Variants in ITLN2 observed in about 807,000 individuals in gnomAD.
The protein encoded by ITLN2 is intelectin-2.
In ITLN2, 29 loss-of-function variants were observed where a neutral mutation model predicts 39.4. That is an observed-to-expected ratio of 0.74 (90% confidence interval 0.55 to 1.00). The LOEUF (loss-of-function observed/expected upper bound fraction) is 1.00. Ranked by LOEUF, ITLN2 falls within the 50% of genes least tolerant of loss-of-function variation. The pLI, the probability that ITLN2 is intolerant of heterozygous loss-of-function variation, is 0.00. For missense variants in ITLN2, 412 were observed against 416.7 expected, an observed-to-expected ratio of 0.99 and a Z score of 0.10; for synonymous variants, 156 against 153.4, an observed-to-expected ratio of 1.02 and a Z score of -0.12.
chr1:160,945,609 C>G (rs148813804), intron 7 of ITLN2, among the ~76,000 whole-genome samples: 115 of 152,278 alleles, frequency 7.6e-4, no homozygotes, highest in Non-Finnish European at 7.9e-4. Context: ...CGTCATCCTC[C>G]GAATTCTAAT....
intron 6 of ITLN2, 75 bp from the exon 7 acceptor site, chr1:160,948,107 A>G (rs1376133273): frequency 3.2e-6 from 4 of 1,267,918 alleles, no homozygotes; most frequent in Non-Finnish European, 3.4e-6. Flanking sequence ...TGGCCAGTCC[A>G]GGGATTCCCT....
chr1:160,951,340 A>G, intron 3 of ITLN2, 50 bp from the exon 4 acceptor site: 1 of 1,524,526 alleles, frequency 6.6e-7, no homozygotes, highest in South Asian at 1.3e-5. Context: ...CTCAGGGTTC[A>G]TCTCAGCTCC....
rs1337845420 is a variant in ITLN2, at chr1:160,951,109, C to T, written c.375G>A (p.Gly125=). 3 of 1,614,156 alleles carry T rather than the reference C, an allele frequency of 1.9e-6. No individual in the cohort carries two copies. The highest frequency in any genetic ancestry group is 1.7e-6 in the Non-Finnish European group (2 of 1,180,034). The change falls in exon 4 of 8, where the codon GGG becomes GGA. Residue 125 remains glycine, a synonymous_variant. Transcript: ENST00000368029. ...QQGNKADYPE[G]DGNWANYNTF... ...TGTTGTAGTTGGCCCAGTTGCCATC[C>T]CCCTCTGGGTAGTCTGCTTTGTTGC...
chr1:160,945,317 T>C (rs765912517), intron 7 of ITLN2, 25 bp from the exon 8 acceptor site: 13 of 1,516,014 alleles, frequency 8.6e-6, no homozygotes, highest in African/African-American at 1.4e-5. Flanking sequence ...GAAGAAACAC[T>C]GTGAGGAATT....
At chr1:160,952,404 C>T (rs1260367438) in intron 3 of ITLN2, among the ~76,000 whole-genome samples, 2 of 152,176 alleles carry the variant, frequency 1.3e-5, no homozygotes, top group African/African-American at 2.4e-5. Context: ...CCACCATAAG[C>T]ATCACCAGGA....
At position 160,947,932 on chromosome 1, in the gene ITLN2, C is replaced by G. The variant is rs1233262303; in HGVS notation, c.822G>C (p.Glu274Asp). Residue 274 changes from glutamate to aspartate, a missense_variant, in exon 7 of 8, where the codon GAG (glutamate) becomes GAC (aspartate). Transcript: ENST00000368029. ...ATTGATCTCCCCAAAAACTCACATG[C>G]TCAGTGTTACAGCCAGTAACTTTTA... ...AGIKVTGCNT[E>D]HHCIGGGGFF... 19 of 1,611,512 alleles carry G rather than the reference C, an allele frequency of 1.2e-5. No homozygotes were observed. Among genetic ancestry groups the G allele is most frequent in the Non-Finnish European group, 1.6e-5 (19 of 1,177,784 alleles).
chr1:160,950,814 G>T, intron 4 of ITLN2, 103 bp from the exon 5 acceptor site: 4 of 1,520,852 alleles, frequency 2.6e-6, no homozygotes, highest in Non-Finnish European at 2.7e-6. Flanking sequence ...GGGATCAGTA[G>T]GCAGATGGCC....
At chr1:160,946,450 G>A (rs556819407) in intron 7 of ITLN2, among the ~76,000 whole-genome samples, 9 of 152,068 alleles carry the variant, frequency 5.9e-5, no homozygotes, top group African/African-American at 1.9e-4. Context: ...GGTGGCTCAC[G>A]CCAGTAATCC....
Position 160,947,975 on chromosome 1 carries a change from T to C in ITLN2, c.779A>G (p.Asn260Ser), listed in dbSNP as rs139105648. ...AACTTTTATCCCAGCACAAAGGGCGTTGGCTGCTCTCTCGTTATTAAACAC... is the reference window on the plus strand; with the variant it reads ...AACTTTTATCCCAGCACAAAGGGCGCTGGCTGCTCTCTCGTTATTAAACAC... ...FRVFNNERAA[N>S]ALCAGIKVTG... Residue 260 changes from asparagine (N) to serine (S), a missense_variant, in exon 7 of 8, where the codon AAC (asparagine) becomes AGC (serine). Coordinates refer to ENST00000368029, the MANE Select transcript of ITLN2 (RefSeq NM_080878.3). The C allele has an allele frequency of 1.8e-3, 2,834 of 1,614,122 alleles. 2 individuals carry two copies. Among genetic ancestry groups the C allele is most frequent in the Non-Finnish European group, 2.3e-3 (2,663 of 1,180,018 alleles).
In ITLN2 at chr1:160,950,575, T is replaced by C; in HGVS notation, c.578A>G (p.His193Arg). 1 of 1,614,180 alleles carries C rather than the reference T, an allele frequency of 6.2e-7. No homozygotes were observed. Reference sequence around the variant, plus strand: ...TACCTGGTAGATGCCAAACAGATTATGTCCCAGTCTCTGGAGGAAGCCAGT... The same window carrying C: ...TACCTGGTAGATGCCAAACAGATTACGTCCCAGTCTCTGGAGGAAGCCAGT... ...TNTGFLQRLG[H>R]NLFGIYQKYP... The change falls in exon 5 of 8, where the codon CAT becomes CGT. Residue 193 changes from histidine to arginine, a missense_variant. Coordinates refer to ENST00000368029, the MANE Select transcript of ITLN2 (RefSeq NM_080878.3).
Position 160,945,161 on chromosome 1 carries a change from A to G in ITLN2, c.957T>C (p.Ala319=). The change falls in exon 8 of 8, where the codon GCT becomes GCC. Residue 319 remains alanine (A), a synonymous_variant. Transcript: ENST00000368029. The part of the protein sequence containing the change: ...SSCSREITEA[A]VLLFYR ...TGTCTCATCTATAGAACAAGAGTACAGCCGCCTCCGTTATCTCCCGACTGC... is the reference window on the plus strand; with the variant it reads ...TGTCTCATCTATAGAACAAGAGTACGGCCGCCTCCGTTATCTCCCGACTGC... The G allele has an allele frequency of 3.7e-6, 6 of 1,603,534 alleles. No homozygotes were observed. Among genetic ancestry groups the G allele is most frequent in the Non-Finnish European group, 5.1e-6 (6 of 1,177,246 alleles).
At chr1:160,953,868 T>C (rs1671805018) in intron 2 of ITLN2, among the ~76,000 whole-genome samples, 1 of 152,188 alleles carries the variant, frequency 6.6e-6, no homozygotes, top group African/African-American at 2.4e-5. Context: ...AGATGACATA[T>C]GTAAATGTGC....
intron 2 of ITLN2, among the ~76,000 whole-genome samples, chr1:160,953,237 CAGCCT>C (rs1671786458): frequency 1.3e-5 from 2 of 150,488 alleles, no homozygotes; most frequent in Non-Finnish European, 3.0e-5. Flanking sequence ...CAGCCCAGCC[CAGCCT>C]GCCAAAAACT....
chr1:160,945,236 G>A lies in ITLN2; in HGVS notation c.882C>T (p.Asp294=), dbSNP rs1317859614. The change falls in exon 8 of 8, where the codon GAC becomes GAT. Residue 294 remains aspartate (D), a synonymous_variant. Transcript: ENST00000368029. The stretch of plus-strand genomic sequence containing the variant: ...ATCCATCCCAGTCAAAGGCGGAGAA[G>A]TCCCCACACTGACGGGGTTTGCCCT... ...FPQGKPRQCG[D]FSAFDWDGYG... 6.2e-7 allele frequency: 1 copy of A among 1,605,500 alleles called. No homozygotes were observed. Among genetic ancestry groups the A allele is most frequent in the African/African-American group, 1.3e-5 (1 of 74,246 alleles).
At position 160,950,620 on chromosome 1, in the gene ITLN2, A is replaced by C. The variant is rs768610760; in HGVS notation, c.533T>G (p.Leu178Arg). The change falls in exon 5 of 8, where the codon CTG becomes CGG. Residue 178 changes from leucine to arginine, a missense_variant. By Grantham distance (102) the Leu-to-Arg change is moderately radical. Transcript: ENST00000368029. ...GCCAGTGTTGGTGCGGTACCTCAGC[A>C]GGGCGCTGTTTCTCCAATGCTGCAT... Reference protein sequence around the residue: ...SPMQHWRNSALLRYRTNTGFL... With the variant: ...SPMQHWRNSARLRYRTNTGFL... 1.4e-5 allele frequency: 22 copies of C among 1,614,098 alleles called. No homozygotes were observed. The South Asian group carries it at 2.3e-4, about 17-fold the overall frequency.
intron 3 of ITLN2, chr1:160,951,572 AGAGG>A: frequency 8.8e-6 from 3 of 341,688 alleles, no homozygotes; most frequent in Non-Finnish European, 1.6e-5. Flanking sequence ...TGTGGCCAGG[AGAGG>A]CCAGAAATCA....
At chr1:160,952,901 C>T (rs1000068043) in intron 2 of ITLN2, among the ~76,000 whole-genome samples, 168 bp from the exon 3 acceptor site, 1 of 152,196 alleles carries the variant, frequency 6.6e-6, no homozygotes, top group Admixed American at 6.5e-5. Flanking sequence ...GGTTAAACAC[C>T]TGGAATCTTC....
In ITLN2 at chr1:160,945,269, G is replaced by T; in HGVS notation, c.849C>A (p.Phe283Leu). ...TEHHCIGGGG[F>L]FPQGKPRQCG... is the part of the protein sequence containing the mutation. ...ACTGACGGGGTTTGCCCTGTGGGAA[G>T]AACCCTCCTCCACCGATGCAGTGCT... The change falls in exon 8 of 8, where the codon TTC (phenylalanine) becomes TTA (leucine). Residue 283 changes from phenylalanine (F) to leucine (L), a missense_variant. Transcript: ENST00000368029. 1 of 1,583,648 alleles carries T rather than the reference G, an allele frequency of 6.3e-7. No individual in the cohort carries two copies. Among genetic ancestry groups the T allele is most frequent in the Middle Eastern group, 1.7e-4 (1 of 5,954 alleles).
In ITLN2 at chr1:160,948,109, G is replaced by C. The variant is rs769498614; in HGVS notation, c.722-77C>G. 10 of 1,253,262 alleles carry C rather than the reference G, an allele frequency of 8.0e-6. No homozygotes were observed. The Admixed American group carries it at 1.2e-4, about 15-fold the overall frequency. The allele number at this position is 1,253,262 out of a possible 1,614,324, so 77.6% of individuals were successfully genotyped here. On this transcript the variant is annotated intron_variant, in intron 6 of 7. Coordinates refer to ENST00000368029, the MANE Select transcript of ITLN2 (RefSeq NM_080878.3). ...AGCAGCATCCCATTGGCCAGTCCAG[G>C]GATTCCCTAAGCCAAAAGCTGAGGC...
Sources: allele counts gnomAD v4.1 joint callset (sites outside exome capture counted in the v4.1 genomes callset), GRCh38; gene constraint gnomAD v4.1.1; transcripts MANE v1.5; gene names NCBI Gene and HGNC (gene_info 2026-07-23, HGNC 2026-07-21).